Variants in GXYLT2 observed in about 807,000 individuals in gnomAD.
GXYLT2 encodes the protein glucoside xylosyltransferase 2.
Under a neutral mutation model 45.8 loss-of-function variants are expected in GXYLT2, and 53 were observed. The ratio of observed to expected loss-of-function variants is 1.16; its 90% CI spans 0.93 to 1.46. GXYLT2 has a LOEUF of 1.46. GXYLT2 is among the 40% of genes most tolerant of loss of function. The pLI is 0.00. For synonymous variants in GXYLT2, 219 were observed against 214.2 expected, an observed-to-expected ratio of 1.02 and a Z score of -0.19; for missense variants, 551 against 544.4, an observed-to-expected ratio of 1.01 and a Z score of -0.12.
chr3:72,909,719 G>A (rs185959416), intron 2 of GXYLT2, among the ~76,000 whole-genome samples: 61 of 152,254 alleles, frequency 4.0e-4, no homozygotes, highest in African/African-American at 1.4e-3. Flanking sequence ...TTCCCCCAGC[G>A]TAGGTACACA....
chr3:72,912,631 T>C (rs1709654774), intron 2 of GXYLT2, among the ~76,000 whole-genome samples: 1 of 152,240 alleles, frequency 6.6e-6, no homozygotes, highest in South Asian at 2.1e-4. Context: ...AGCTTCTGCC[T>C]GGCTCTTTGT....
intron 1 of GXYLT2, chr3:72,908,105 A>G (rs1265098199): frequency 2.0e-5 from 7 of 348,012 alleles, no homozygotes; most frequent in Non-Finnish European, 3.6e-5. Flanking sequence ...GGCACCAGAC[A>G]GCTGAGTGCT....
intron 3 of GXYLT2, among the ~76,000 whole-genome samples, chr3:72,940,846 T>C (rs1016916638): frequency 6.6e-6 from 1 of 152,132 alleles, no homozygotes; most frequent in Non-Finnish European, 1.5e-5. Flanking sequence ...CACACCTGAC[T>C]AATTTTTTAA....
rs1309623993 is a variant in GXYLT2, at chr3:72,975,148, C to A, written c.1321C>A (p.Gln441Lys). The change falls in exon 7 of 7, where the codon CAG becomes AAG. Residue 441 changes from glutamine (Q) to lysine (K), a missense_variant. By Grantham distance (53) the Gln-to-Lys change is moderately conservative. Transcript: ENST00000389617. The stretch of plus-strand genomic sequence containing the variant: ...CGTCATCATCCATGTTGGCCCCAAC[C>A]AGATGCACTGAATATTTTGTCTTGT... ...KHVIIHVGPN[Q>K]MH 1 of 1,611,174 alleles carries A rather than the reference C, an allele frequency of 6.2e-7. No homozygotes were observed. The highest frequency in any genetic ancestry group is 2.2e-5 in the East Asian group (1 of 44,822).
intron 5 of GXYLT2, among the ~76,000 whole-genome samples, chr3:72,960,205 G>A (rs2107147515): frequency 1.3e-5 from 2 of 152,310 alleles, no homozygotes; most frequent in Middle Eastern, 6.8e-3. Context: ...ATAGGCGTGA[G>A]CCACCACACC....
intron 3 of GXYLT2, chr3:72,929,679 T>C: frequency 1.5e-6 from 1 of 672,326 alleles, no homozygotes; most frequent in Non-Finnish European, 2.7e-6. Flanking sequence ...TTTCCTTTAC[T>C]TTTTCTATAA....
chr3:72,934,701 A>G (rs113993850), intron 3 of GXYLT2, among the ~76,000 whole-genome samples: 7 of 152,358 alleles, frequency 4.6e-5, no homozygotes, highest in African/African-American at 1.7e-4. Context: ...TTGGAAATTC[A>G]GTTTCTAAAG....
At chr3:72,951,611 C>T (rs951141333) in intron 3 of GXYLT2, among the ~76,000 whole-genome samples, 7 of 152,086 alleles carry the variant, frequency 4.6e-5, no homozygotes, top group African/African-American at 1.2e-4. Context: ...ACCAGACTCA[C>T]GATTCTTAAG....
At chr3:72,974,876 G>C in intron 6 of GXYLT2, 101 bp from the exon 7 acceptor site, 8 of 887,094 alleles carry the variant, frequency 9.0e-6, no homozygotes, top group Non-Finnish European at 1.4e-5. Context: ...ACCTGTGCCT[G>C]TGGGCTTATC....
At chr3:72,926,676 G>A (rs73838421) in intron 3 of GXYLT2, among the ~76,000 whole-genome samples, 1 of 152,108 alleles carries the variant, frequency 6.6e-6, no homozygotes, top group Non-Finnish European at 1.5e-5. Context: ...GCTGTGAGGA[G>A]AGAAATTATG....
intron 5 of GXYLT2, among the ~76,000 whole-genome samples, chr3:72,966,011 T>C (rs1165127009): frequency 3.3e-5 from 5 of 152,162 alleles, no homozygotes; most frequent in Non-Finnish European, 5.9e-5. Context: ...AGATGGAGTC[T>C]TACTCCGTCA....
At chr3:72,965,332 C>G (rs1710845261) in intron 5 of GXYLT2, among the ~76,000 whole-genome samples, 1 of 152,174 alleles carries the variant, frequency 6.6e-6, no homozygotes, top group Admixed American at 6.5e-5. Flanking sequence ...TAAGTAATCA[C>G]TAAGCAATGA....
In GXYLT2 at chr3:72,928,056, G is replaced by C. The variant is rs553136162; in HGVS notation, c.600+5721G>C. Among the ~76,000 whole-genome samples, 17 of 152,244 alleles carry C rather than the reference G, an allele frequency of 1.1e-4. 1 individual carries two copies. Among genetic ancestry groups the C allele is most frequent in the Admixed American group, 8.5e-4 (13 of 15,284 alleles). On this transcript the variant is annotated intron_variant, in intron 3 of 6. Coordinates refer to ENST00000389617, the MANE Select transcript of GXYLT2 (RefSeq NM_001080393.2). ...TCTCTCTCTTTCAGTCCCTTGCAAG[G>C]CTACTCCATAAGCATAATGATTGCT...
Position 72,975,126 on chromosome 3 carries a change from C to T in GXYLT2, c.1299C>T (p.Val433=). The T allele has an allele frequency of 6.2e-7, 1 of 1,613,662 alleles. No individual in the cohort carries two copies. Among genetic ancestry groups the T allele is most frequent in the Admixed American group, 1.7e-5 (1 of 59,980 alleles). The change falls in exon 7 of 7, where the codon GTC becomes GTT. Residue 433 remains valine (V), a synonymous_variant. Coordinates refer to ENST00000389617, the MANE Select transcript of GXYLT2 (RefSeq NM_001080393.2). ...TGAAAAGGGCTTATGAGAAACACGTCATCATCCATGTTGGCCCCAACCAGA... is the reference window on the plus strand; with the variant it reads ...TGAAAAGGGCTTATGAGAAACACGTTATCATCCATGTTGGCCCCAACCAGA... ...KTMKRAYEKH[V]IIHVGPNQMH is the part of the protein sequence containing the mutation.
intron 3 of GXYLT2, among the ~76,000 whole-genome samples, chr3:72,923,859 G>A (rs1709874262): frequency 6.6e-6 from 1 of 152,170 alleles, no homozygotes; most frequent in South Asian, 2.1e-4. Flanking sequence ...TTGAACTCCT[G>A]TGCTTAAGTG....
At chr3:72,898,177 A>T (rs1280537705) in intron 1 of GXYLT2, among the ~76,000 whole-genome samples, 1 of 152,208 alleles carries the variant, frequency 6.6e-6, no homozygotes, top group Non-Finnish European at 1.5e-5. Flanking sequence ...ATAAATTACC[A>T]TAAAAATTAA....
chr3:72,891,742 C>T (rs1236073328), intron 1 of GXYLT2, among the ~76,000 whole-genome samples: 1 of 152,012 alleles, frequency 6.6e-6, no homozygotes, highest in Non-Finnish European at 1.5e-5. Flanking sequence ...AATGAAAAGT[C>T]ATAAAGAAGA....
chr3:72,895,055 C>G (rs911660415), intron 1 of GXYLT2, among the ~76,000 whole-genome samples: 2 of 152,202 alleles, frequency 1.3e-5, no homozygotes, highest in Non-Finnish European at 2.9e-5. Context: ...TTTGGCACAA[C>G]AGAGGGCTAA....
chr3:72,911,813 T>A (rs1709628032), intron 2 of GXYLT2, among the ~76,000 whole-genome samples: 1 of 151,870 alleles, frequency 6.6e-6, no homozygotes, highest in Non-Finnish European at 1.5e-5. Flanking sequence ...CTCACTCTGT[T>A]GCCCATTGCA....
Sources: allele counts gnomAD v4.1 joint callset (sites outside exome capture counted in the v4.1 genomes callset), GRCh38; gene constraint gnomAD v4.1.1; transcripts MANE v1.5; gene names NCBI Gene and HGNC (gene_info 2026-07-23, HGNC 2026-07-21).